SYNE2: variants seen among roughly 807,000 people sequenced by gnomAD.
SYNE2 encodes nesprin-2.
In SYNE2, 431 loss-of-function variants were observed where a neutral mutation model predicts 856.3. That is an observed-to-expected ratio of 0.50 (90% confidence interval 0.47 to 0.55). The LOEUF is 0.55. Ranked by LOEUF, SYNE2 falls within the 20% of genes least tolerant of loss-of-function variation. The pLI is 0.00. For missense variants in SYNE2, 8,129 were observed against 8,023.2 expected (o/e 1.01, Z -0.50); for synonymous variants, 2,923 against 2,872.3 (o/e 1.02, Z -0.56).
chr14:64,040,885 T>G (rs2097143355), intron 45 of SYNE2, among the ~76,000 whole-genome samples: 1 of 151,776 alleles, frequency 6.6e-6, no homozygotes, highest in South Asian at 2.1e-4. Flanking sequence ...TTGAACAGAC[T>G]AAATAAAAAT....
chr14:63,773,907 A>G (rs1402018445), intron 1 of SYNE2, among the ~76,000 whole-genome samples: 1 of 152,202 alleles, frequency 6.6e-6, no homozygotes, highest in Non-Finnish European at 1.5e-5. Flanking sequence ...ATACGATTAT[A>G]TATTTAGCAA....
rs148492034 is a variant in SYNE2, at chr14:64,163,507, C to A, written c.16405C>A (p.Pro5469Thr). Residue 5469 changes from proline to threonine, a missense_variant, in exon 89 of 116, where the codon CCG (proline) becomes ACG (threonine). This residue lies in a region of SYNE2 where 5,410 missense variants were observed against 5,284.8 expected (regional missense o/e 1.02). Transcript: ENST00000555002. ...PAESSTHMLL[P>T]GPLHSLQRAA... ...AGAGTCCAGCACCCACATGCTCCTC[C>A]CGGGCCCCCTGCACTCTCTCCAGAG... The A allele has an allele frequency of 3.8e-4, 614 of 1,614,182 alleles. 4 individuals carry two copies. Among genetic ancestry groups the A allele is most frequent in the South Asian group, 3.6e-3 (326 of 91,080 alleles).
At chr14:64,076,895 A>G (rs1404708493) in intron 54 of SYNE2, among the ~76,000 whole-genome samples, 1 of 152,162 alleles carries the variant, frequency 6.6e-6, no homozygotes, top group Admixed American at 6.5e-5. Flanking sequence ...AAAACATGTA[A>G]ACTCTTAACG....
chr14:64,121,532 AAAAC>A (rs534570435), intron 68 of SYNE2, among the ~76,000 whole-genome samples: 243 of 152,296 alleles, frequency 1.6e-3, no homozygotes, highest in South Asian at 6.2e-3. Context: ...TCCAAAAACA[AAAAC>A]AAACAAACAA....
intron 112 of SYNE2, 63 bp from the exon 113 acceptor site, chr14:64,223,126 C>A: frequency 6.3e-7 from 1 of 1,589,720 alleles, no homozygotes; most frequent in African/African-American, 1.3e-5. Context: ...AGAAAAACCT[C>A]CTGTGTCCAC....
chr14:64,207,421 A>C lies in SYNE2; in HGVS notation c.18202-1337A>C, dbSNP rs376245733. On this transcript the variant is annotated intron_variant, in intron 100 of 115. Coordinates refer to ENST00000555002, the MANE Select transcript of SYNE2 (RefSeq NM_182914.3). ...AAAACCCCATCTCTACCAAAAATAC[A>C]AAAAATTAGCTGAGTATGGTGGCCA... 4.5e-4 allele frequency among the ~76,000 whole-genome samples: 68 copies of C among 152,136 alleles called. 1 individual carries two copies. The highest frequency in any genetic ancestry group is 1.6e-3 in the African/African-American group (65 of 41,506).
intron 1 of SYNE2, among the ~76,000 whole-genome samples, chr14:63,889,374 T>TG (rs1166924467): frequency 6.6e-6 from 1 of 151,966 alleles, no homozygotes; most frequent in Non-Finnish European, 1.5e-5. Flanking sequence ...TCTGTTGTGG[T>TG]GGTGGTGTAG....
chr14:63,961,424 A>G (rs1221745960), intron 8 of SYNE2, 101 bp from the exon 9 acceptor site: 9 of 970,416 alleles, frequency 9.3e-6, no homozygotes, highest in Non-Finnish European at 1.6e-6. Context: ...GCATTTCCAG[A>G]GCCTGTGAAC....
At chr14:64,200,122 T>A (rs568852798) in intron 99 of SYNE2, among the ~76,000 whole-genome samples, 1 of 152,308 alleles carries the variant, frequency 6.6e-6, no homozygotes, top group East Asian at 1.9e-4. Flanking sequence ...TTCCGGTGTG[T>A]TAATTGCTTT....
intron 2 of SYNE2, among the ~76,000 whole-genome samples, chr14:63,919,152 A>G (rs2095566779): frequency 6.6e-6 from 1 of 152,194 alleles, no homozygotes; most frequent in Non-Finnish European, 1.5e-5. Context: ...ATCAGGCACT[A>G]TTTTGGGTAA....
upstream of SYNE2, among the ~76,000 whole-genome samples, chr14:63,849,287 A>G (rs1018007826): frequency 7.5e-6 from 1 of 133,992 alleles, no homozygotes; most frequent in African/African-American, 2.9e-5. Flanking sequence ...TTTTTTTTGC[A>G]GTAACATAGT....
rs1471374427 is a variant in SYNE2 at position 64,017,521 on chromosome 14, A to G, written c.4888-74A>G. Reference sequence around the variant, plus strand: ...GTAAACTAAAATTTTATTTTAAAACAGTGTTTGGCTGAAACAGTGGTTTTC... The same window carrying G: ...GTAAACTAAAATTTTATTTTAAAACGGTGTTTGGCTGAAACAGTGGTTTTC... On this transcript the variant is annotated intron_variant, in intron 33 of 115. Coordinates refer to ENST00000555002, the MANE Select transcript of SYNE2 (RefSeq NM_182914.3). 14 of 1,243,794 alleles carry G rather than the reference A, an allele frequency of 1.1e-5. No homozygotes were observed. The East Asian group carries it at 3.0e-4, about 27-fold the overall frequency. The allele number at this position is 1,243,794 out of a possible 1,614,324, so 77.0% of individuals were successfully genotyped here. A position where few individuals can be genotyped will look rare whatever the true frequency, so the allele number is the denominator to read the frequency against.
intron 19 of SYNE2, among the ~76,000 whole-genome samples, chr14:63,987,968 A>T (rs372410237): frequency 6.6e-6 from 1 of 152,232 alleles, no homozygotes; most frequent in Non-Finnish European, 1.5e-5. Flanking sequence ...TTGTATTTTT[A>T]TATGTAATAC....
chr14:64,186,237 AGGT>A (rs2098489753), intron 96 of SYNE2, among the ~76,000 whole-genome samples, 184 bp from the exon 97 acceptor site: 1 of 152,180 alleles, frequency 6.6e-6, no homozygotes, highest in Non-Finnish European at 1.5e-5. Flanking sequence ...TTTGATAAGA[AGGT>A]GGTGGAGAAC....
rs1267084412 is a variant in SYNE2 at position 64,219,383 on chromosome 14, AAT to A, written c.19835_19836del (p.Ile6612ArgfsTer15). 6.2e-7 allele frequency: 1 copy of A among 1,614,156 alleles called. No individual in the cohort carries two copies. Among genetic ancestry groups the A allele is most frequent in the Non-Finnish European group, 8.5e-7 (1 of 1,180,040 alleles). On this transcript the variant is annotated frameshift_variant, in exon 110 of 116. Coordinates refer to ENST00000555002, the MANE Select transcript of SYNE2 (RefSeq NM_182914.3). LOFTEE classifies it high-confidence loss of function. ...MAKPPSDIQE[I>X]ELRVKRLQEI... is the part of the protein sequence containing the mutation. The stretch of plus-strand genomic sequence containing the variant: ...CAAAGCCTCCCTCTGATATCCAGGA[AAT>A]AGAACTGAGAGTGAAGAGACTGCAG...
intron 1 of SYNE2, among the ~76,000 whole-genome samples, chr14:63,790,313 G>A (rs1887689707): frequency 6.6e-6 from 1 of 151,650 alleles, no homozygotes; most frequent in Non-Finnish European, 1.5e-5. Flanking sequence ...TGCAGCCTGG[G>A]TGACAGAGCA....
chr14:64,158,737 A>T lies in SYNE2; in HGVS notation c.15905A>T (p.His5302Leu), dbSNP rs762577146. The change falls in exon 86 of 116, where the codon CAC becomes CTC. Residue 5302 changes from histidine to leucine, a missense_variant. Coordinates refer to ENST00000555002, the MANE Select transcript of SYNE2 (RefSeq NM_182914.3). ...ATCCGATTCTGGTACTGCATGGAAC[A>T]CAGCAAGCCTGTGGTGTTATCATTG... ...MTIRFWYCMEHSKPVVLSLET... is the reference protein window; with the variant it reads ...MTIRFWYCMELSKPVVLSLET... 2.5e-6 allele frequency: 4 copies of T among 1,614,038 alleles called. No individual in the cohort carries two copies. The South Asian group carries it at 4.4e-5, about 18-fold the overall frequency.
chr14:63,945,018 G>A (rs1265800977), intron 6 of SYNE2, among the ~76,000 whole-genome samples: 1 of 149,804 alleles, frequency 6.7e-6, no homozygotes. Flanking sequence ...ATGTTGGCCA[G>A]GCTAGCCTTG....
intron 84 of SYNE2, among the ~76,000 whole-genome samples, chr14:64,148,608 C>T (rs927885379): frequency 1.4e-4 from 21 of 152,204 alleles, no homozygotes; most frequent in African/African-American, 4.8e-4. Flanking sequence ...TCCCTCACCA[C>T]GTGCCCACTG....
Sources: gnomAD v4.1 joint callset for allele counts (sites outside exome capture counted in the v4.1 genomes callset) on GRCh38, gnomAD v4.1.1 for gene constraint, gnomAD v4.1.1 regional missense constraint, MANE v1.5 for transcripts, NCBI Gene and HGNC (gene_info 2026-07-23, HGNC 2026-07-21) for gene names.